Variants in EPHB1 observed in about 807,000 individuals in gnomAD.
EPHB1 encodes EPH receptor B1.
In EPHB1, 30 loss-of-function variants were observed where a neutral mutation model predicts 94.4. The ratio of observed to expected loss-of-function variants is 0.32; its 90% CI spans 0.24 to 0.43. EPHB1 has a LOEUF of 0.43. Ranked by LOEUF, EPHB1 falls within the 20% of genes least tolerant of loss-of-function variation. The pLI is 1.00. For synonymous variants in EPHB1, 522 were observed against 489.1 expected, an observed-to-expected ratio of 1.07 and a Z score of -0.89; for missense variants, 1,055 against 1,308.3, an observed-to-expected ratio of 0.81 and a Z score of 2.99.
chr3:135,163,953 C>A (rs575006401), intron 7 of EPHB1, among the ~76,000 whole-genome samples: 2 of 152,246 alleles, frequency 1.3e-5, no homozygotes, highest in Admixed American at 1.3e-4. Context: ...TGGAATCCTG[C>A]CCAGAGTCAA....
intron 3 of EPHB1, among the ~76,000 whole-genome samples, chr3:135,054,520 CAG>C (rs1937292382): frequency 2.0e-5 from 3 of 152,148 alleles, no homozygotes; most frequent in Admixed American, 2.0e-4. Flanking sequence ...TAGCATCACT[CAG>C]GGGTGAAGGA....
intron 2 of EPHB1, among the ~76,000 whole-genome samples, chr3:134,950,085 T>C (rs1217652871): frequency 6.6e-6 from 1 of 152,254 alleles, no homozygotes; most frequent in Non-Finnish European, 1.5e-5. Context: ...ATGGGTGAGT[T>C]GCATGATGTC....
chr3:135,190,562 C>CATATATACACACATACAT (rs147690889), intron 10 of EPHB1, among the ~76,000 whole-genome samples: 64,305 of 151,956 alleles, frequency 0.42, 14,062 homozygotes, highest in East Asian at 0.69. Flanking sequence ...CATACATCCA[C>CATATATACACACATACAT]ATATACACAC....
At chr3:134,863,467 C>A (rs1272861718) in intron 1 of EPHB1, among the ~76,000 whole-genome samples, 1 of 152,290 alleles carries the variant, frequency 6.6e-6, no homozygotes, top group African/African-American at 2.4e-5. Context: ...ACCTCATGTG[C>A]GCTTTCTTTC....
chr3:135,133,341 A>G (rs191648963), intron 5 of EPHB1, among the ~76,000 whole-genome samples: 47 of 152,360 alleles, frequency 3.1e-4, no homozygotes, highest in Admixed American at 2.9e-3. Context: ...TGAGCTCAAC[A>G]AATCCTGTTG....
At chr3:135,125,147 T>C (rs923454865) in intron 4 of EPHB1, among the ~76,000 whole-genome samples, 18 of 151,776 alleles carry the variant, frequency 1.2e-4, no homozygotes, top group Admixed American at 1.1e-3. Flanking sequence ...TCCTTTAAAT[T>C]ACTTACCAGT....
chr3:135,038,749 AC>A, intron 3 of EPHB1, among the ~76,000 whole-genome samples: 1 of 152,230 alleles, frequency 6.6e-6, no homozygotes, highest in East Asian at 1.9e-4. Context: ...GGTGAGTGTT[AC>A]AGCTCATAAA....
At chr3:134,883,963 G>A (rs887746876) in intron 1 of EPHB1, among the ~76,000 whole-genome samples, 1 of 152,186 alleles carries the variant, frequency 6.6e-6, no homozygotes, top group Non-Finnish European at 1.5e-5. Flanking sequence ...CCCCAGTTTA[G>A]GAGGTGAAGA....
At chr3:134,824,944 C>T (rs771227834) in intron 1 of EPHB1, among the ~76,000 whole-genome samples, 1 of 152,208 alleles carries the variant, frequency 6.6e-6, no homozygotes, top group Non-Finnish European at 1.5e-5. Flanking sequence ...CATCTGACTG[C>T]AACCTCCTGA....
At chr3:135,021,346 A>G (rs944960233) in intron 3 of EPHB1, among the ~76,000 whole-genome samples, 4 of 151,964 alleles carry the variant, frequency 2.6e-5, no homozygotes, top group African/African-American at 9.7e-5. Context: ...ATATTGTCAA[A>G]TCTTATTTTA....
In EPHB1 at chr3:134,903,399, C is replaced by A. The variant is rs74715470; in HGVS notation, c.59-22417C>A. 8.9e-3 allele frequency among the ~76,000 whole-genome samples: 1,355 copies of A among 152,354 alleles called. 12 individuals carry two copies. Among genetic ancestry groups the A allele is most frequent in the African/African-American group, 0.025 (1,054 of 41,578 alleles). ...GAGGCTGACTCTTCACATCCAACCTCTCTGGCCTCTTCAGCAGTGTGCCCA... is the reference window on the plus strand; with the variant it reads ...GAGGCTGACTCTTCACATCCAACCTATCTGGCCTCTTCAGCAGTGTGCCCA... On this transcript the variant is annotated intron_variant, in intron 1 of 15. Coordinates refer to ENST00000398015, the MANE Select transcript of EPHB1 (RefSeq NM_004441.5).
rs1273764752 is a variant in EPHB1 at position 134,922,353 on chromosome 3, C to A, written c.59-3463C>A. ...GCTCTCTGTGCCAGAAAAGAAACTG[C>A]CCTTCATCATATGGAGTGGATGGTT... On this transcript the variant is annotated intron_variant, in intron 1 of 15. Transcript: ENST00000398015. Among the ~76,000 whole-genome samples the A allele has an allele frequency of 2.6e-5, 4 of 152,184 alleles. No homozygotes were observed. In the East Asian group the frequency reaches 7.7e-4, roughly 29 times the overall value.
At chr3:134,899,662 GT>G (rs2038160128) in intron 1 of EPHB1, among the ~76,000 whole-genome samples, 1 of 149,774 alleles carries the variant, frequency 6.7e-6, no homozygotes, top group African/African-American at 2.5e-5. Context: ...TTGTTTGTTT[GT>G]TTTGTTTTGT....
intron 3 of EPHB1, among the ~76,000 whole-genome samples, chr3:135,057,962 T>C (rs1432122437): frequency 6.6e-6 from 1 of 152,188 alleles, no homozygotes; most frequent in East Asian, 1.9e-4. Flanking sequence ...TGATCAGCTG[T>C]AGACAGCAGT....
chr3:134,829,571 T>G (rs1276033717), intron 1 of EPHB1, among the ~76,000 whole-genome samples: 1 of 152,152 alleles, frequency 6.6e-6, no homozygotes, highest in African/African-American at 2.4e-5. Context: ...TTGAAATAAT[T>G]TCAGACCTAG....
At chr3:135,057,251 C>T (rs1165589626) in intron 3 of EPHB1, among the ~76,000 whole-genome samples, 1 of 152,012 alleles carries the variant, frequency 6.6e-6, no homozygotes, top group Non-Finnish European at 1.5e-5. Context: ...ATAATGAAGG[C>T]TTATAGGAGA....
intron 15 of EPHB1, among the ~76,000 whole-genome samples, chr3:135,251,798 C>A (rs1428833273): frequency 6.6e-6 from 1 of 152,186 alleles, no homozygotes. Flanking sequence ...CAAGCGTTCA[C>A]CAGGGTGTGA....
In EPHB1 at chr3:134,980,165, T is replaced by G. The variant is rs149224048; in HGVS notation, c.805+28113T>G. Among the ~76,000 whole-genome samples the G allele has an allele frequency of 2.4e-4, 37 of 152,308 alleles. 1 individual carries two copies. The highest frequency in any genetic ancestry group is 8.9e-4 in the African/African-American group (37 of 41,574). On this transcript the variant is annotated intron_variant, in intron 3 of 15. Coordinates refer to ENST00000398015, the MANE Select transcript of EPHB1 (RefSeq NM_004441.5). ...ATCCAGAGACTTATCACATGCATGGTACCTGGACTGAGATGACCAGAAGGC... is the reference window on the plus strand; with the variant it reads ...ATCCAGAGACTTATCACATGCATGGGACCTGGACTGAGATGACCAGAAGGC...
At chr3:134,839,356 C>T (rs2036735819) in intron 1 of EPHB1, among the ~76,000 whole-genome samples, 1 of 152,186 alleles carries the variant, frequency 6.6e-6, no homozygotes, top group African/African-American at 2.4e-5. Flanking sequence ...TGAGCTTCAC[C>T]TGGACTTTTA....
Sources: gnomAD v4.1 joint callset for allele counts (sites outside exome capture counted in the v4.1 genomes callset) on GRCh38, gnomAD v4.1.1 for gene constraint, MANE v1.5 for transcripts, NCBI Gene and HGNC (gene_info 2026-07-23, HGNC 2026-07-21) for gene names.